The following KCNK2 variants were observed in gnomAD, a reference collection of about 807,000 sequenced individuals.
KCNK2 encodes the protein potassium channel subfamily K member 2.
KCNK2 carries 21 observed loss-of-function variants against 40.5 expected under a neutral mutation model. The observed-to-expected ratio is 0.52, with a 90% CI of 0.37 to 0.75. The LOEUF (loss-of-function observed/expected upper bound fraction) is 0.75, where lower values mean the gene tolerates loss of function less well. KCNK2 is among the 30% of genes least tolerant of loss of function. The pLI, the probability that KCNK2 is intolerant of heterozygous loss-of-function variation, is 0.00. For missense variants in KCNK2, 399 were observed against 531.6 expected (o/e 0.75, Z 2.45); for synonymous variants, 191 against 202.2 (o/e 0.94, Z 0.47).
At chr1:215,137,487 T>C (rs1043532263) in intron 3 of KCNK2, among the ~76,000 whole-genome samples, 1 of 152,206 alleles carries the variant, frequency 6.6e-6, no homozygotes, top group East Asian at 1.9e-4. Context: ...TGAAAATATT[T>C]ACTATCAGTT....
chr1:215,209,987 TA>T lies in KCNK2; in HGVS notation c.963+14897del, dbSNP rs1444328446. On this transcript the variant is annotated intron_variant, in intron 6 of 6. Coordinates refer to ENST00000444842, the MANE Select transcript of KCNK2 (RefSeq NM_001017425.3). The stretch of plus-strand genomic sequence containing the variant: ...TTATATATATTATATATATTATATA[TA>T]ATATATAATATATATTATATATAAT... Among the ~76,000 whole-genome samples, 27 of 3,234 alleles carry T rather than the reference TA, an allele frequency of 8.3e-3. No individual in the cohort carries two copies. The South Asian group carries it at 0.097, about 12-fold the overall frequency. 2.1% of individuals were successfully genotyped at this position (3,234 alleles called of 152,430 possible). A position where few individuals can be genotyped will look rare whatever the true frequency, so the allele number is the denominator to read the frequency against.
intron 1 of KCNK2, among the ~76,000 whole-genome samples, chr1:215,024,088 T>G (rs930226682): frequency 6.6e-6 from 1 of 152,156 alleles, no homozygotes; most frequent in Admixed American, 6.5e-5. Context: ...TTATTTTGCT[T>G]CTGGAAGAGT....
At chr1:215,116,023 A>G (rs1660923763) in intron 2 of KCNK2, among the ~76,000 whole-genome samples, 1 of 150,518 alleles carries the variant, frequency 6.6e-6, no homozygotes, top group Admixed American at 6.6e-5. Flanking sequence ...AAAGAATTTC[A>G]GTGTTTCAAG....
At chr1:215,180,313 T>C (rs1664172673) in intron 5 of KCNK2, among the ~76,000 whole-genome samples, 3 of 152,164 alleles carry the variant, frequency 2.0e-5, no homozygotes, top group Admixed American at 1.3e-4. Flanking sequence ...TGTTTCCAAC[T>C]TGTCCCTCTG....
At chr1:215,010,868 T>TTTTG (rs1553254956) in intron 1 of KCNK2, among the ~76,000 whole-genome samples, 9 of 135,760 alleles carry the variant, frequency 6.6e-5, no homozygotes, top group Non-Finnish European at 6.3e-5. Context: ...TTTTTTTTTT[T>TTTTG]TGTGTGTGTG....
chr1:215,122,505 T>C (rs1661232229), intron 2 of KCNK2, among the ~76,000 whole-genome samples: 1 of 152,110 alleles, frequency 6.6e-6, no homozygotes, highest in African/African-American at 2.4e-5. Flanking sequence ...TGTGTGTATA[T>C]GTATATACTT....
At chr1:215,049,254 G>T (rs947731259) in intron 1 of KCNK2, among the ~76,000 whole-genome samples, 1 of 152,170 alleles carries the variant, frequency 6.6e-6, no homozygotes, top group African/African-American at 2.4e-5. Context: ...ATGGCTGAAT[G>T]AAGTTAAACA....
intron 4 of KCNK2, among the ~76,000 whole-genome samples, chr1:215,170,836 C>T (rs1663680649): frequency 6.6e-6 from 1 of 151,986 alleles, no homozygotes; most frequent in African/African-American, 2.4e-5. Flanking sequence ...TTTTTAGTGC[C>T]TCCTAGATGC....
intron 1 of KCNK2, among the ~76,000 whole-genome samples, chr1:215,034,598 T>C (rs1281052995): frequency 1.3e-5 from 2 of 152,148 alleles, no homozygotes; most frequent in South Asian, 2.1e-4. Flanking sequence ...TGTCAGTCTC[T>C]GTAGTTCAAG....
At chr1:215,124,804 T>G in intron 3 of KCNK2, 54 bp downstream of exon 3, 1 of 1,071,018 alleles carries the variant, frequency 9.3e-7, no homozygotes, top group South Asian at 1.3e-5. Context: ...TGAGCTAAAA[T>G]CCATTTGTTT....
chr1:215,038,196 G>T (rs1405414533), intron 1 of KCNK2, among the ~76,000 whole-genome samples: 1 of 152,048 alleles, frequency 6.6e-6, no homozygotes, highest in Non-Finnish European at 1.5e-5. Context: ...AGACTCACCA[G>T]TCCCCTCCAG....
intron 3 of KCNK2, among the ~76,000 whole-genome samples, chr1:215,130,567 C>G (rs993213724): frequency 6.6e-6 from 1 of 152,216 alleles, no homozygotes; most frequent in African/African-American, 2.4e-5. Context: ...GACTTGGAAG[C>G]TGTCCTGTGG....
chr1:215,166,921 G>T (rs1392442303), intron 3 of KCNK2, among the ~76,000 whole-genome samples: 1 of 151,638 alleles, frequency 6.6e-6, no homozygotes, highest in African/African-American at 2.4e-5. Flanking sequence ...CACTGAAAAA[G>T]AAATTAATAT....
chr1:215,029,555 A>G (rs1469969197), intron 1 of KCNK2, among the ~76,000 whole-genome samples: 3 of 146,952 alleles, frequency 2.0e-5, no homozygotes, highest in African/African-American at 7.4e-5. Context: ...TATATCAAAT[A>G]TATTAATATA....
chr1:215,083,199 C>CCCCCCCCCCCT lies in KCNK2; in HGVS notation c.-183_-182insCCCCCCTCCCC. On this transcript the variant is annotated 5_prime_UTR_variant, in exon 1 of 7. Coordinates refer to ENST00000444842, the MANE Select transcript of KCNK2 (RefSeq NM_001017425.3). ...GATTTCGTTTCTTCTCACGCTCCCCCCCCCGCCCCCTCCCGCGTCCAGCCC... is the reference window on the plus strand; with the variant it reads ...GATTTCGTTTCTTCTCACGCTCCCCCCCCCCCCCCCTCCCCGCCCCCTCCCGCGTCCAGCCC... The CCCCCCCCCCCT allele has an allele frequency of 1.5e-6, 1 of 685,072 alleles. No homozygotes were observed. Among genetic ancestry groups the CCCCCCCCCCCT allele is most frequent in the South Asian group, 1.5e-5 (1 of 66,984 alleles). The allele number at this position is 685,072 out of a possible 1,614,324, so 42.4% of individuals were successfully genotyped here.
intron 2 of KCNK2, among the ~76,000 whole-genome samples, chr1:215,116,602 CT>C (rs1394719601): frequency 6.6e-6 from 1 of 152,016 alleles, no homozygotes; most frequent in Non-Finnish European, 1.5e-5. Flanking sequence ...TTAAAAATAG[CT>C]TTGACACTCG....
At chr1:215,230,016 A>T (rs1030117584) in intron 6 of KCNK2, among the ~76,000 whole-genome samples, 29 of 143,174 alleles carry the variant, frequency 2.0e-4, no homozygotes, top group African/African-American at 7.4e-4. Context: ...ACACACACAG[A>T]TTATATATAT....
intron 1 of KCNK2, among the ~76,000 whole-genome samples, chr1:215,072,484 C>T (rs1477040437): frequency 6.6e-6 from 1 of 152,202 alleles, no homozygotes; most frequent in East Asian, 1.9e-4. Flanking sequence ...AGTTGCCTCT[C>T]TTAAAATTGG....
intron 2 of KCNK2, among the ~76,000 whole-genome samples, chr1:215,110,671 T>C (rs1426093764): frequency 6.6e-6 from 1 of 152,142 alleles, no homozygotes; most frequent in Non-Finnish European, 1.5e-5. Context: ...TTTTAAAATT[T>C]AATATACTAT....
Sources: gnomAD v4.1 joint callset for allele counts (sites outside exome capture counted in the v4.1 genomes callset) on GRCh38, gnomAD v4.1.1 for gene constraint, MANE v1.5 for transcripts, NCBI Gene and HGNC (gene_info 2026-07-23, HGNC 2026-07-21) for gene names.